Variants in SPMAP2 observed in about 807,000 individuals in gnomAD.
SPMAP2 encodes sperm microtubule associated protein 2, also known as Theg homolog.
chr19:368,135 A>G, the SPMAP2 span, among the ~76,000 whole-genome samples: 1 of 152,068 alleles, frequency 6.6e-6, no homozygotes, highest in Admixed American at 6.6e-5. This position sits in a 1 kb window ranked among gnomAD's most constrained non-coding sequence, Gnocchi z 4.1. Context: ...GGATCATGTG[A>G]GCTCGAGACC....
At chr19:375,327 T>A in the SPMAP2 span, among the ~76,000 whole-genome samples, 1 of 152,084 alleles carries the variant, frequency 6.6e-6, no homozygotes, top group African/African-American at 2.4e-5. Flanking sequence ...TCTCTCTGTC[T>A]GACTTGAGGC....
chr19:374,473 T>C, the SPMAP2 span: 4 of 1,611,162 alleles, frequency 2.5e-6, no homozygotes, highest in African/African-American at 4.0e-5. Context: ...CCCCGATGCG[T>C]TTGGGAGCCC....
the SPMAP2 span, chr19:371,091 G>A: frequency 3.6e-5 from 21 of 580,984 alleles, no homozygotes; most frequent in Admixed American, 1.2e-4. Flanking sequence ...AAAGGCAGCC[G>A]CCCTGTGCAG....
the SPMAP2 span, chr19:371,069 C>T: frequency 1.9e-6 from 1 of 516,886 alleles, no homozygotes; most frequent in Non-Finnish European, 3.5e-6. Context: ...CAAAAGAAAG[C>T]TGCTCCCAGA....
the SPMAP2 span, chr19:375,928 A>G: frequency 6.8e-7 from 1 of 1,465,618 alleles, no homozygotes; most frequent in Non-Finnish European, 9.0e-7. Flanking sequence ...GCAGCCTCAG[A>G]GCTGGGCTGG....
chr19:364,145 C>A, the SPMAP2 span, among the ~76,000 whole-genome samples: 126,801 of 148,438 alleles, frequency 0.85, 55,747 homozygotes, highest in Non-Finnish European at 0.91. Flanking sequence ...CATCCTGGCT[C>A]ACACGGTGAA....
At chr19:374,298 C>T in the SPMAP2 span, 1 of 1,614,044 alleles carries the variant, frequency 6.2e-7, no homozygotes, top group Non-Finnish European at 8.5e-7. Context: ...CGTGTCCTCA[C>T]CTGTCTTTCA....
At chr19:374,310 G>T in the SPMAP2 span, 3 of 1,614,038 alleles carry the variant, frequency 1.9e-6, no homozygotes, top group South Asian at 2.2e-5. Context: ...TGTCTTTCAG[G>T]ACTTGCCAGT....
At chr19:362,337 G>C in the SPMAP2 span, 2 of 1,610,414 alleles carry the variant, frequency 1.2e-6, no homozygotes, top group East Asian at 2.2e-5. Context: ...GAGATGATCC[G>C]GGGGCTGGCC....
At chr19:374,331 C>A in the SPMAP2 span, 1 of 1,614,118 alleles carries the variant, frequency 6.2e-7, no homozygotes, top group South Asian at 1.1e-5. Context: ...TTATCTTGGG[C>A]TCTGCCAGCT....
the SPMAP2 span, chr19:375,966 C>G: frequency 7.8e-6 from 11 of 1,418,068 alleles, no homozygotes; most frequent in Non-Finnish European, 1.0e-5. Flanking sequence ...CCTGCTGTCC[C>G]CCATACACCG....
chr19:367,181 G>A, the SPMAP2 span: 35 of 1,608,244 alleles, frequency 2.2e-5, no homozygotes, highest in African/African-American at 2.7e-5. Flanking sequence ...GAGGATCCGC[G>A]AGCTGGGGAC....
chr19:368,818 C>T, the SPMAP2 span, among the ~76,000 whole-genome samples: 2 of 152,228 alleles, frequency 1.3e-5, no homozygotes, highest in African/African-American at 4.8e-5. The surrounding 1 kb of genome is among the most constrained non-coding windows in gnomAD (Gnocchi z 4.1). Flanking sequence ...CTCCAGCCTC[C>T]TCTCTTCCCA....
the SPMAP2 span, chr19:372,705 G>A: frequency 6.2e-7 from 1 of 1,613,900 alleles, no homozygotes; most frequent in African/African-American, 1.3e-5. Context: ...ACACCGCTAT[G>A]CAAAATGGGA....
the SPMAP2 span, among the ~76,000 whole-genome samples, chr19:373,278 G>A: frequency 6.6e-6 from 1 of 152,214 alleles, no homozygotes; most frequent in Non-Finnish European, 1.5e-5. Context: ...ATCCTAGAGA[G>A]TGTTCCCCAT....
At chr19:374,133 G>T in the SPMAP2 span, 2 of 1,454,766 alleles carry the variant, frequency 1.4e-6, no homozygotes, top group Non-Finnish European at 1.9e-6. Context: ...CACTCCCAGT[G>T]TCTGGCCACC....
chr19:372,677 G>T, the SPMAP2 span: 2 of 1,614,072 alleles, frequency 1.2e-6, no homozygotes, highest in Non-Finnish European at 1.7e-6. Flanking sequence ...GGCCGAGACA[G>T]TTCCTCCACG....
chr19:365,870 A>C, the SPMAP2 span, among the ~76,000 whole-genome samples: 2 of 152,110 alleles, frequency 1.3e-5, no homozygotes, highest in Admixed American at 1.3e-4. Flanking sequence ...CCTGGCCAGG[A>C]GCGGTGTCAT....
the SPMAP2 span, chr19:375,582 GGGGGCTGCTGCCCTCCCCCCACTGCCA>G: frequency 7.2e-7 from 1 of 1,391,136 alleles, no homozygotes; most frequent in Non-Finnish European, 9.6e-7. Flanking sequence ...CGCCCGCCCA[GGGGGCTGCTGCCCTCCCCCCACTGCCA>G]GGGGCTGAGC....
Sources: allele counts gnomAD v4.1 joint callset (sites outside exome capture counted in the v4.1 genomes callset), GRCh38; gene constraint gnomAD v4.1.1; non-coding constraint Gnocchi (gnomAD v3.1); transcripts MANE v1.5; gene names NCBI Gene and HGNC (gene_info 2026-07-23, HGNC 2026-07-21).